Variants in TENM2 observed in about 807,000 individuals in gnomAD.
The protein encoded by TENM2 is teneurin-2.
In TENM2, 52 loss-of-function variants were observed where a neutral mutation model predicts 245.2. The ratio of observed to expected loss-of-function variants is 0.21; its 90% CI spans 0.17 to 0.27. The LOEUF is 0.27. Among genes scored for constraint, TENM2 ranks in the 10% least tolerant of loss-of-function variants. TENM2 has a pLI of 1.00. For missense variants in TENM2, 3,046 were observed against 3,666.8 expected, an observed-to-expected ratio of 0.83 and a Z score of 4.37; for synonymous variants, 1,363 against 1,438.9, an observed-to-expected ratio of 0.95 and a Z score of 1.19.
chr5:167,148,361 T>C, the TENM2 span, among the ~76,000 whole-genome samples: 1 of 152,248 alleles, frequency 6.6e-6, no homozygotes, highest in Non-Finnish European at 1.5e-5. Flanking sequence ...AGGATGTTGT[T>C]ATTTTTGAAA....
chr5:167,478,827 T>G (rs1767565302), intron 2 of TENM2, among the ~76,000 whole-genome samples: 1 of 152,216 alleles, frequency 6.6e-6, no homozygotes, highest in African/African-American at 2.4e-5. Context: ...CAACCTCAAG[T>G]GCCTTGTTCT....
At chr5:167,555,828 G>A (rs1773228435) in intron 2 of TENM2, among the ~76,000 whole-genome samples, 1 of 151,944 alleles carries the variant, frequency 6.6e-6, no homozygotes, top group Non-Finnish European at 1.5e-5. Context: ...AAGCTGCACG[G>A]CACCCTCTGA....
intron 11 of TENM2, 64 bp downstream of exon 13, chr5:168,125,114 C>A: frequency 7.4e-7 from 1 of 1,350,908 alleles, no homozygotes; most frequent in Non-Finnish European, 1.0e-6. Context: ...ATCCCATTCT[C>A]AGATGGATGG....
the TENM2 span, among the ~76,000 whole-genome samples, chr5:167,164,504 C>T: frequency 8.3e-3 from 1,268 of 152,254 alleles, 16 homozygotes; most frequent in African/African-American, 0.029. Context: ...ACCTCGTTTA[C>T]TATGGGAACA....
At chr5:167,718,772 G>A (rs1759432502) in intron 2 of TENM2, among the ~76,000 whole-genome samples, 1 of 151,924 alleles carries the variant, frequency 6.6e-6, no homozygotes, top group Non-Finnish European at 1.5e-5. Context: ...GTTTGGGTTG[G>A]ATTTTTTTTT....
the TENM2 span, among the ~76,000 whole-genome samples, chr5:167,006,905 G>T: frequency 6.6e-6 from 1 of 152,114 alleles, no homozygotes; most frequent in Non-Finnish European, 1.5e-5. Context: ...GACCTCAGGT[G>T]ATTCACCCAC....
At chr5:167,166,642 A>AC in the TENM2 span, among the ~76,000 whole-genome samples, 1 of 152,084 alleles carries the variant, frequency 6.6e-6, no homozygotes, top group East Asian at 1.9e-4. Flanking sequence ...ACCTTTATAT[A>AC]CCCTTTTAGC....
chr5:167,778,362 A>G (rs1322815789), intron 2 of TENM2, among the ~76,000 whole-genome samples: 2 of 152,212 alleles, frequency 1.3e-5, no homozygotes, highest in Non-Finnish European at 2.9e-5. Flanking sequence ...CAGCAACAAA[A>G]GTATTTTAGG....
intron 4 of TENM2, among the ~76,000 whole-genome samples, chr5:167,968,182 C>G (rs1368258373): frequency 6.6e-6 from 1 of 152,066 alleles, no homozygotes; most frequent in Non-Finnish European, 1.5e-5. Flanking sequence ...AAAACTTTTC[C>G]TACATTAGGT....
intron 7 of TENM2, among the ~76,000 whole-genome samples, chr5:168,089,623 C>T (rs1562144117): frequency 6.6e-6 from 1 of 152,158 alleles, no homozygotes; most frequent in Non-Finnish European, 1.5e-5. Context: ...ACTATAAGGG[C>T]ATGAACATAA....
At chr5:167,806,305 A>G (rs1305126050) in intron 2 of TENM2, among the ~76,000 whole-genome samples, 1 of 152,230 alleles carries the variant, frequency 6.6e-6, no homozygotes, top group Non-Finnish European at 1.5e-5. Context: ...GCCCTTTCAC[A>G]TATCATGTCA....
chr5:167,121,094 C>A, the TENM2 span, among the ~76,000 whole-genome samples: 1 of 151,876 alleles, frequency 6.6e-6, no homozygotes, highest in South Asian at 2.1e-4. Flanking sequence ...GAAATGTTTG[C>A]CTAGGAGAAA....
chr5:167,425,451 G>A lies in TENM2; in HGVS notation c.502+49978G>A, dbSNP rs1019604011. ...GGGATAACAAATAGCACTCAGTGAG[G>A]GCTTACTATGTGCCAGGTACTATCC... is the stretch of plus-strand genomic sequence containing the variant. On this transcript the variant is annotated intron_variant, in intron 2 of 28. Transcript: ENST00000518659. Among the ~76,000 whole-genome samples the A allele has an allele frequency of 5.3e-5, 8 of 152,138 alleles. No homozygotes were observed. The South Asian group carries it at 1.7e-3, about 32-fold the overall frequency.
At chr5:167,682,013 A>G (rs6555764) in intron 2 of TENM2, among the ~76,000 whole-genome samples, 66,225 of 150,796 alleles carry the variant, frequency 0.44, 16,460 homozygotes, top group East Asian at 0.91. Context: ...CACACACACA[A>G]AGAGAGAATG....
At chr5:168,216,522 C>T (rs539341327) in intron 21 of TENM2, among the ~76,000 whole-genome samples, 6 of 152,276 alleles carry the variant, frequency 3.9e-5, no homozygotes, top group African/African-American at 1.2e-4. Context: ...AGCATGCTTT[C>T]GTCAGTTGCA....
At chr5:167,597,563 A>G (rs1444812864) in intron 2 of TENM2, among the ~76,000 whole-genome samples, 1 of 152,228 alleles carries the variant, frequency 6.6e-6, no homozygotes, top group Non-Finnish European at 1.5e-5. Flanking sequence ...TAAACAGAAC[A>G]GATAAAATAG....
At chr5:167,731,050 T>A (rs1760389349) in intron 2 of TENM2, among the ~76,000 whole-genome samples, 2 of 151,764 alleles carry the variant, frequency 1.3e-5, no homozygotes, top group African/African-American at 4.8e-5. Context: ...TTCTTTTGAT[T>A]GAAACATGTC....
At chr5:167,275,987 T>C in the TENM2 span, among the ~76,000 whole-genome samples, 1 of 152,006 alleles carries the variant, frequency 6.6e-6, no homozygotes, top group Admixed American at 6.6e-5. Context: ...TTTAATACAA[T>C]GAATTACATT....
At chr5:167,838,382 A>G (rs1006223738) in intron 2 of TENM2, among the ~76,000 whole-genome samples, 7 of 152,178 alleles carry the variant, frequency 4.6e-5, no homozygotes. Context: ...TGTCAGTACT[A>G]TTTGTATGAA....
Sources: gnomAD v4.1 joint callset for allele counts (sites outside exome capture counted in the v4.1 genomes callset) on GRCh38, gnomAD v4.1.1 for gene constraint, MANE v1.5 for transcripts, NCBI Gene and HGNC (gene_info 2026-07-23, HGNC 2026-07-21) for gene names.